The following FIRRM variants were observed in gnomAD, a reference collection of about 807,000 sequenced individuals.
The protein encoded by FIRRM is FIGNL1 interacting regulator of recombination and mitosis.
the FIRRM span, chr1:169,796,043 A>G: frequency 4.5e-6 from 4 of 881,096 alleles, no homozygotes; most frequent in South Asian, 1.0e-4. Context: ...ATACAATTAC[A>G]CTCAAAAGAA....
chr1:169,790,717 C>G, the FIRRM span, among the ~76,000 whole-genome samples: 16 of 152,266 alleles, frequency 1.1e-4, no homozygotes, highest in African/African-American at 3.1e-4. Context: ...ATCATTGAAA[C>G]CAATTAATGT....
the FIRRM span, chr1:169,832,479 C>G: frequency 1.9e-6 from 3 of 1,613,578 alleles, 1 homozygote; most frequent in Non-Finnish European, 2.5e-6. Context: ...TGAAGCGTCT[C>G]TTTTTCTTCA....
At chr1:169,793,385 GC>G in the FIRRM span, 1 of 1,614,198 alleles carries the variant, frequency 6.2e-7, no homozygotes, top group Non-Finnish European at 8.5e-7. Flanking sequence ...TTTAGGCATA[GC>G]ATGCTCTTTG....
chr1:169,845,824 T>C, the FIRRM span, among the ~76,000 whole-genome samples: 1 of 152,220 alleles, frequency 6.6e-6, no homozygotes, highest in Non-Finnish European at 1.5e-5. Flanking sequence ...CCATGAGGGA[T>C]GGAATCAACT....
the FIRRM span, among the ~76,000 whole-genome samples, chr1:169,809,185 A>T: frequency 6.6e-6 from 1 of 152,160 alleles, no homozygotes; most frequent in Non-Finnish European, 1.5e-5. Context: ...GAGTAGTGTT[A>T]GGAAGGGGCT....
At chr1:169,827,968 T>A in the FIRRM span, 1 of 893,562 alleles carries the variant, frequency 1.1e-6, no homozygotes, top group Non-Finnish European at 1.7e-6. Context: ...AGTTATTGTG[T>A]AGACACACAT....
the FIRRM span, chr1:169,807,734 T>G: frequency 6.8e-7 from 1 of 1,464,564 alleles, no homozygotes; most frequent in Non-Finnish European, 9.1e-7. Flanking sequence ...TTAGAGGTCC[T>G]AAGTTACTTG....
At chr1:169,832,550 A>G in the FIRRM span, 1 of 1,420,108 alleles carries the variant, frequency 7.0e-7, no homozygotes, top group Non-Finnish European at 9.9e-7. Context: ...GAAGCTGCTC[A>G]GAGTTGGATT....
the FIRRM span, among the ~76,000 whole-genome samples, chr1:169,790,481 T>C: frequency 6.6e-6 from 1 of 152,100 alleles, no homozygotes; most frequent in Non-Finnish European, 1.5e-5. Context: ...CCACCATGCC[T>C]GGCCCCAAAT....
At chr1:169,836,829 C>T in the FIRRM span, 39 of 817,182 alleles carry the variant, frequency 4.8e-5, no homozygotes, top group Admixed American at 1.2e-3. Flanking sequence ...ATAAAGCTTT[C>T]TCGAAATATT....
chr1:169,839,097 A>G, the FIRRM span, among the ~76,000 whole-genome samples: 3 of 152,148 alleles, frequency 2.0e-5, no homozygotes, highest in Non-Finnish European at 4.4e-5. Context: ...CTGTTGCTGC[A>G]AAGGACATGA....
At chr1:169,848,446 TA>T in the FIRRM span, among the ~76,000 whole-genome samples, 80 of 152,324 alleles carry the variant, frequency 5.3e-4, no homozygotes, top group African/African-American at 1.7e-3. Context: ...GGAGAGACTA[TA>T]AAGAGTTCAC....
At chr1:169,812,802 A>G in the FIRRM span, among the ~76,000 whole-genome samples, 1 of 151,926 alleles carries the variant, frequency 6.6e-6, no homozygotes, top group Non-Finnish European at 1.5e-5. Flanking sequence ...GGTTGAAGTA[A>G]GCCGAGGTCA....
At chr1:169,807,931 TA>T in the FIRRM span, 1 of 1,599,736 alleles carries the variant, frequency 6.3e-7, no homozygotes, top group African/African-American at 1.3e-5. Flanking sequence ...GATGCACAGG[TA>T]AAATTTGGGC....
the FIRRM span, among the ~76,000 whole-genome samples, chr1:169,808,782 A>G: frequency 2.0e-5 from 3 of 152,020 alleles, no homozygotes; most frequent in Non-Finnish European, 2.9e-5. Context: ...TTTTTTTAGT[A>G]GAGACGGGGT....
At chr1:169,793,280 T>G in the FIRRM span, 1 of 1,614,108 alleles carries the variant, frequency 6.2e-7, no homozygotes, top group Non-Finnish European at 8.5e-7. Context: ...AGGGAAGTTC[T>G]CTTTCAACAA....
At chr1:169,838,266 CTTTA>C in the FIRRM span, among the ~76,000 whole-genome samples, 6 of 151,904 alleles carry the variant, frequency 3.9e-5, no homozygotes, top group African/African-American at 1.5e-4. Context: ...TTTTATGTGA[CTTTA>C]TTTTAGAAAA....
At chr1:169,803,115 C>A in the FIRRM span, 1 of 1,555,958 alleles carries the variant, frequency 6.4e-7, no homozygotes, top group Non-Finnish European at 8.8e-7. Context: ...TGACTAATAC[C>A]TTTTCAGTGC....
At chr1:169,853,289 A>ATAATT in the FIRRM span, 27 of 358,370 alleles carry the variant, frequency 7.5e-5, no homozygotes, top group East Asian at 1.4e-3. Flanking sequence ...AATCATTTAT[A>ATAATT]TAATTTATAG....
Sources: gnomAD v4.1 joint callset for allele counts (sites outside exome capture counted in the v4.1 genomes callset) on GRCh38, gnomAD v4.1.1 for gene constraint, MANE v1.5 for transcripts, NCBI Gene and HGNC (gene_info 2026-07-23, HGNC 2026-07-21) for gene names.